SLC36A1: variants seen among roughly 807,000 people sequenced by gnomAD.
SLC36A1 encodes the protein solute carrier family 36 member 1.
SLC36A1 carries 30 observed loss-of-function variants against 47.5 expected under a neutral mutation model. That is an observed-to-expected ratio of 0.63 (90% CI 0.47 to 0.86). The LOEUF is 0.86. Among genes scored for constraint, SLC36A1 ranks in the 40% least tolerant of loss-of-function variants. The probability of loss-of-function intolerance (pLI) is 0.00; values close to 1 mark genes in which losing one functional copy is unlikely to be tolerated. For synonymous variants in SLC36A1, 255 were observed against 249.7 expected, an observed-to-expected ratio of 1.02 and a Z score of -0.20; for missense variants, 517 against 606.0, an observed-to-expected ratio of 0.85 and a Z score of 1.54.
At chr5:151,525,700 T>C in the SLC36A1 span, 3 of 1,567,614 alleles carry the variant, frequency 1.9e-6, no homozygotes, top group Non-Finnish European at 2.6e-6. Context: ...ACAGAAGCAC[T>C]GGTGGGGCTT....
chr5:151,356,339 C>CAAACAAAAAAAAAAAAAA, the SLC36A1 span, among the ~76,000 whole-genome samples: 3 of 51,314 alleles, frequency 5.8e-5, no homozygotes, highest in African/African-American at 1.6e-4. Flanking sequence ...CTCTGTCTCA[C>CAAACAAAAAAAAAAAAAA]AAAAAAAAAA....
chr5:151,529,123 T>C, the SLC36A1 span: 1 of 1,491,010 alleles, frequency 6.7e-7, no homozygotes, highest in Non-Finnish European at 9.4e-7. Flanking sequence ...GGGGGTGAGA[T>C]AAGAACCCAT....
chr5:151,377,246 T>C, the SLC36A1 span, among the ~76,000 whole-genome samples: 2 of 152,192 alleles, frequency 1.3e-5, no homozygotes, highest in Admixed American at 6.5e-5. Context: ...GAGTCCAGTT[T>C]GAGTCTAGTG....
At chr5:151,551,974 A>AGG in the SLC36A1 span, among the ~76,000 whole-genome samples, 856 of 110,002 alleles carry the variant, frequency 7.8e-3, 7 homozygotes, top group African/African-American at 0.014. Flanking sequence ...TATAACCCTA[A>AGG]GGGTGTGTGT....
At chr5:151,538,508 G>T in the SLC36A1 span, among the ~76,000 whole-genome samples, 1 of 151,964 alleles carries the variant, frequency 6.6e-6, no homozygotes, top group South Asian at 2.1e-4. Context: ...TGCAGGTACC[G>T]TCATGGCATC....
chr5:151,484,836 A>G (rs1458490142), intron 10 of SLC36A1, among the ~76,000 whole-genome samples: 1 of 152,118 alleles, frequency 6.6e-6, no homozygotes, highest in Non-Finnish European at 1.5e-5. Flanking sequence ...GAGCCTGGGC[A>G]TTCCAAATCC....
intron 9 of SLC36A1, among the ~76,000 whole-genome samples, chr5:151,477,929 C>T (rs1758304960): frequency 1.3e-5 from 2 of 152,186 alleles, no homozygotes; most frequent in Admixed American, 6.5e-5. Flanking sequence ...ACTCTTCTGC[C>T]TCCATTTGGG....
chr5:151,363,653 A>G, the SLC36A1 span, among the ~76,000 whole-genome samples: 1 of 152,154 alleles, frequency 6.6e-6, no homozygotes, highest in Non-Finnish European at 1.5e-5. Flanking sequence ...AGGCAAGCAG[A>G]GCTGCAGACC....
chr5:151,427,974 T>TGCAGCA, the SLC36A1 span, among the ~76,000 whole-genome samples: 1 of 152,172 alleles, frequency 6.6e-6, no homozygotes, highest in Admixed American at 6.5e-5. Flanking sequence ...CAGAGGCCAC[T>TGCAGCA]GCAGCAGCAG....
chr5:151,379,166 G>T, the SLC36A1 span, among the ~76,000 whole-genome samples: 1 of 152,136 alleles, frequency 6.6e-6, no homozygotes, highest in Non-Finnish European at 1.5e-5. Flanking sequence ...CTCAATGGTG[G>T]CAGAATTTGC....
intron 1 of SLC36A1, among the ~76,000 whole-genome samples, chr5:151,450,589 G>A (rs994402378): frequency 6.6e-6 from 1 of 152,214 alleles, no homozygotes; most frequent in Non-Finnish European, 1.5e-5. Context: ...CCACTTACTG[G>A]CATGTAGAGT....
At chr5:151,442,619 C>A (rs1034376296), upstream of SLC36A1, among the ~76,000 whole-genome samples, 1 of 152,156 alleles carries the variant, frequency 6.6e-6, no homozygotes, top group Non-Finnish European at 1.5e-5. Flanking sequence ...TATCCTTTAA[C>A]AAATCTCTCC....
chr5:151,371,087 G>A, the SLC36A1 span, among the ~76,000 whole-genome samples: 7 of 152,026 alleles, frequency 4.6e-5, no homozygotes, highest in East Asian at 1.9e-4. Context: ...CTTACTAGAC[G>A]TCAGTAGCAC....
chr5:151,526,099 C>T, the SLC36A1 span: 1 of 864,132 alleles, frequency 1.2e-6, no homozygotes, highest in African/African-American at 1.7e-5. Context: ...GGACATCAAG[C>T]TGCTGCTCAT....
At chr5:151,542,637 G>A in the SLC36A1 span, 3 of 1,614,180 alleles carry the variant, frequency 1.9e-6, no homozygotes, top group Admixed American at 5.0e-5. Flanking sequence ...AGCTCACCTG[G>A]CCATCTCTCC....
chr5:151,538,905 C>G, the SLC36A1 span, among the ~76,000 whole-genome samples: 1 of 151,450 alleles, frequency 6.6e-6, no homozygotes, highest in Non-Finnish European at 1.5e-5. Flanking sequence ...AGGCTGGTCT[C>G]GAACCCCTGA....
chr5:151,473,630 G>C, intron 7 of SLC36A1, 43 bp from the exon 8 acceptor site: 1 of 1,214,902 alleles, frequency 8.2e-7, no homozygotes, highest in African/African-American at 1.6e-5. Flanking sequence ...TTTCTGTATA[G>C]CCTTTTGCTT....
At chr5:151,458,318 A>ATATATATATATACATACACTTG (rs1754943261) in intron 1 of SLC36A1, among the ~76,000 whole-genome samples, 3 of 131,296 alleles carry the variant, frequency 2.3e-5, no homozygotes, top group African/African-American at 9.6e-5. Context: ...ATACGTATAT[A>ATATATATATATACATACACTTG]TATATATATA....
the SLC36A1 span, chr5:151,529,320 C>T: frequency 1.6e-5 from 26 of 1,613,848 alleles, no homozygotes; most frequent in Admixed American, 1.7e-4. Flanking sequence ...GGAGCTCTTC[C>T]GGCTGCACTC....
Sources: gnomAD v4.1 joint callset for allele counts (sites outside exome capture counted in the v4.1 genomes callset) on GRCh38, gnomAD v4.1.1 for gene constraint, MANE v1.5 for transcripts, NCBI Gene and HGNC (gene_info 2026-07-23, HGNC 2026-07-21) for gene names.